The following HMGB1 variants were observed in gnomAD, a reference collection of about 807,000 sequenced individuals.
HMGB1 encodes high mobility group box 1.
For missense variants in HMGB1, 79 were observed against 253.5 expected, an observed-to-expected ratio of 0.31 and a Z score of 4.67; for synonymous variants, 81 against 84.0, an observed-to-expected ratio of 0.96 and a Z score of 0.19.
rs571973673 is a variant in HMGB1, at chr13:30,517,256, C to T, written c.-14-53562G>A. Among the ~76,000 whole-genome samples the T allele has an allele frequency of 4.3e-3, 649 of 152,306 alleles. 4 individuals carry two copies. The highest frequency in any genetic ancestry group is 5.2e-3 in the Non-Finnish European group (355 of 68,036). On this transcript the variant is annotated intron_variant, in intron 1 of 4. Coordinates refer to the HMGB1 transcript ENST00000405805. The stretch of plus-strand genomic sequence containing the variant: ...CCAAAATATGCGTTTCTAACAAGTT[C>T]CCAGGTGATGTGAAGCTGCTGTCCA...
intron 1 of HMGB1, among the ~76,000 whole-genome samples, chr13:30,504,328 A>G (rs751602730): frequency 1.3e-5 from 2 of 152,216 alleles, no homozygotes; most frequent in East Asian, 1.9e-4. Context: ...AAGTTTCTCA[A>G]TCACAATGTG....
chr13:30,464,144 T>TA (rs5802568), intron 1 of HMGB1: 13 of 779,168 alleles, frequency 1.7e-5, no homozygotes, highest in African/African-American at 9.3e-5. Flanking sequence ...TATGGGACCT[T>TA]AAAAAAAAAA....
At position 30,522,792 on chromosome 13, in the gene HMGB1, T is replaced by C. The variant is rs574711924; in HGVS notation, c.-14-59098A>G. Among the ~76,000 whole-genome samples, 12 of 151,548 alleles carry C rather than the reference T, an allele frequency of 7.9e-5. No homozygotes were observed. The East Asian group carries it at 2.3e-3, about 29-fold the overall frequency. ...TATTGCCCTGGCTTTAGTGCAGTGG[T>C]GCAACCTCCACTTCCCAGGCACAAG... On this transcript the variant is annotated intron_variant, in intron 1 of 4. Coordinates refer to the HMGB1 transcript ENST00000405805.
chr13:30,538,514 T>TC (rs1288551674), intron 1 of HMGB1, among the ~76,000 whole-genome samples: 38 of 138,832 alleles, frequency 2.7e-4, no homozygotes, highest in African/African-American at 1.1e-3. Context: ...TTCTTTCCTT[T>TC]CTTTCTTTCC....
rs1007919529 is a variant in HMGB1, at chr13:30,555,033, G to GTTTTTTTTT, written c.-15+61629_-15+61637dup. 4.7e-4 allele frequency among the ~76,000 whole-genome samples: 34 copies of GTTTTTTTTT among 72,438 alleles called. 1 individual carries two copies. Among genetic ancestry groups the GTTTTTTTTT allele is most frequent in the Non-Finnish European group, 5.5e-4 (23 of 42,042 alleles). 47.5% of individuals were successfully genotyped at this position (72,438 alleles called of 152,430 possible). A position where few individuals can be genotyped will look rare whatever the true frequency, so the allele number is the denominator to read the frequency against. ...AACCTTACATTGGATGTGTCGTTGT[G>GTTTTTTTTT]TTTTTTTTTTTTTTTTTTTTTTTTT... On this transcript the variant is annotated intron_variant, in intron 1 of 4. Coordinates refer to the HMGB1 transcript ENST00000405805.
At chr13:30,572,828 G>A (rs1870491658) in intron 1 of HMGB1, among the ~76,000 whole-genome samples, 1 of 152,174 alleles carries the variant, frequency 6.6e-6, no homozygotes, top group Non-Finnish European at 1.5e-5. Context: ...CAAAACTTAA[G>A]CCATTTCATC....
At chr13:30,503,008 A>G (rs891752536) in intron 1 of HMGB1, among the ~76,000 whole-genome samples, 3 of 151,990 alleles carry the variant, frequency 2.0e-5, no homozygotes, top group Non-Finnish European at 4.4e-5. Context: ...TGAGATATAA[A>G]GGAGGTGAAG....
intron 1 of HMGB1, among the ~76,000 whole-genome samples, chr13:30,567,592 C>T (rs938894253): frequency 6.6e-6 from 1 of 152,056 alleles, no homozygotes; most frequent in Non-Finnish European, 1.5e-5. Flanking sequence ...CCTCGTGATC[C>T]GCCCGCCTCG....
At chr13:30,610,143 C>A (rs1950500500) in intron 1 of HMGB1, among the ~76,000 whole-genome samples, 1 of 152,146 alleles carries the variant, frequency 6.6e-6, no homozygotes, top group Non-Finnish European at 1.5e-5. Context: ...CAGTATATAA[C>A]ACATATGACA....
In HMGB1 at chr13:30,559,161, C is replaced by T. The variant is rs148439622; in HGVS notation, c.-15+57510G>A. Among the ~76,000 whole-genome samples the T allele has an allele frequency of 9.9e-5, 15 of 151,998 alleles. No homozygotes were observed. The highest frequency in any genetic ancestry group is 3.4e-3 in the Middle Eastern group (1 of 294). ...CCAAATGTACCTGGGGTGGGGGGTG[C>T]GGGTGGAGGAAAAATTGCCCCTGTT... On this transcript the variant is annotated intron_variant, in intron 1 of 4. Coordinates refer to the HMGB1 transcript ENST00000405805. The surrounding 1 kb of genome is among the most constrained non-coding windows in gnomAD (Gnocchi z 6.6).
Position 30,554,447 on chromosome 13 carries a change from C to G in HMGB1, c.-15+62224G>C, listed in dbSNP as rs190168047. Reference sequence around the variant, plus strand: ...GAGAAAATACTGAATGGGTCTTATTCAGACCCCAGATCAACTGAGATTCTC... The same window carrying G: ...GAGAAAATACTGAATGGGTCTTATTGAGACCCCAGATCAACTGAGATTCTC... On this transcript the variant is annotated intron_variant, in intron 1 of 4. Transcript: ENST00000405805. The G allele has an allele frequency of 2.8e-5, 26 of 915,512 alleles. No individual in the cohort carries two copies. The East Asian group carries it at 6.3e-4, about 22-fold the overall frequency. The allele number at this position is 915,512 out of a possible 1,614,324, so 56.7% of individuals were successfully genotyped here. A position where few individuals can be genotyped will look rare whatever the true frequency, so the allele number is the denominator to read the frequency against.
At chr13:30,504,995 G>T (rs750853907) in intron 1 of HMGB1, among the ~76,000 whole-genome samples, 25 of 151,998 alleles carry the variant, frequency 1.6e-4, no homozygotes, top group Non-Finnish European at 2.5e-4. Flanking sequence ...TTTTGAGAGA[G>T]AGTCTCACTC....
intron 1 of HMGB1, among the ~76,000 whole-genome samples, chr13:30,490,437 C>T (rs948731715): frequency 7.2e-5 from 11 of 151,922 alleles, no homozygotes; most frequent in Non-Finnish European, 2.9e-5. Context: ...CTGGCCAACA[C>T]GGCAAAACCC....
intron 1 of HMGB1, among the ~76,000 whole-genome samples, chr13:30,566,672 C>T (rs991740151): frequency 6.6e-6 from 1 of 152,170 alleles, no homozygotes; most frequent in African/African-American, 2.4e-5. Flanking sequence ...CTCCTTGAAA[C>T]CATGCATTTA....
chr13:30,471,918 A>G (rs1475846388), intron 1 of HMGB1, among the ~76,000 whole-genome samples: 2 of 144,452 alleles, frequency 1.4e-5, no homozygotes, highest in Non-Finnish European at 3.0e-5. Context: ...CCGCCCGCCT[A>G]AGGCCTCCCA....
Position 30,463,362 on chromosome 13 carries a change from A to G in HMGB1, c.151-10T>C. Reference sequence around the variant, plus strand: ...CTTTAGCAGACATGGTCTACAAAATAATTATTTGTAAGTTTAAGTTGTAAC... The same window carrying G: ...CTTTAGCAGACATGGTCTACAAAATGATTATTTGTAAGTTTAAGTTGTAAC... On this transcript the variant is annotated splice_polypyrimidine_tract_variant and intron_variant, in intron 2 of 4. Transcript: ENST00000341423. The G allele has an allele frequency of 6.3e-7, 1 of 1,588,712 alleles. No individual in the cohort carries two copies. The highest frequency in any genetic ancestry group is 8.5e-7 in the Non-Finnish European group (1 of 1,171,120).
At chr13:30,517,166 G>T (rs1888120095) in intron 1 of HMGB1, among the ~76,000 whole-genome samples, 1 of 152,182 alleles carries the variant, frequency 6.6e-6, no homozygotes, top group Non-Finnish European at 1.5e-5. Flanking sequence ...TGGAAGGCTT[G>T]GTAAAGTACA....
rs575315858 is a variant in HMGB1 at position 30,458,854 on chromosome 13, G to C, written c.*2503C>G. On this transcript the variant is annotated 3_prime_UTR_variant, in exon 5 of 5. Transcript: ENST00000341423. ...AAATACAGCAAACATTAACAACACT[G>C]TGATGGGACGATCATCAGAACTGTG... The C allele has an allele frequency of 1.3e-4, 20 of 152,272 alleles. No homozygotes were observed. Among genetic ancestry groups the C allele is most frequent in the African/African-American group, 4.1e-4 (17 of 41,566 alleles). The allele number at this position is 152,272 out of a possible 1,614,324, so 9.4% of individuals were successfully genotyped here.
chr13:30,494,050 A>G (rs1052522221), intron 1 of HMGB1, among the ~76,000 whole-genome samples: 1 of 152,112 alleles, frequency 6.6e-6, no homozygotes, highest in African/African-American at 2.4e-5. Flanking sequence ...GGTGCAATTT[A>G]TTGTATACAA....
Sources: allele counts gnomAD v4.1 joint callset (sites outside exome capture counted in the v4.1 genomes callset), GRCh38; gene constraint gnomAD v4.1.1; non-coding constraint Gnocchi (gnomAD v3.1); transcripts MANE v1.5; gene names NCBI Gene and HGNC (gene_info 2026-07-23, HGNC 2026-07-21).